Variants in CDKAL1 observed in about 807,000 individuals in gnomAD.
The protein encoded by CDKAL1 is threonylcarbamoyladenosine tRNA methylthiotransferase.
Under a neutral mutation model 68.2 loss-of-function variants are expected in CDKAL1, and 32 were observed. The observed-to-expected ratio is 0.47, with a 90% CI of 0.35 to 0.63. CDKAL1 has a LOEUF of 0.63. Among genes scored for constraint, CDKAL1 ranks in the 30% least tolerant of loss-of-function variants. The probability of loss-of-function intolerance (pLI) is 0.00; values close to 1 mark genes in which losing one functional copy is unlikely to be tolerated. For synonymous variants in CDKAL1, 234 were observed against 244.3 expected (o/e 0.96, Z 0.39); for missense variants, 606 against 696.7 (o/e 0.87, Z 1.47).
chr6:20,551,380 T>TG (rs955861265), intron 4 of CDKAL1, among the ~76,000 whole-genome samples: 1 of 151,796 alleles, frequency 6.6e-6, no homozygotes, highest in Non-Finnish European at 1.5e-5. Flanking sequence ...CTTTTTTTTT[T>TG]TTTTTGAGAC....
chr6:21,130,714 C>G (rs1381107027), intron 13 of CDKAL1, among the ~76,000 whole-genome samples: 1 of 152,140 alleles, frequency 6.6e-6, no homozygotes, highest in Non-Finnish European at 1.5e-5. Flanking sequence ...TTGGCTTGAC[C>G]TTTTTACTTG....
intron 11 of CDKAL1, among the ~76,000 whole-genome samples, chr6:21,011,943 T>TA (rs199634625): frequency 0.016 from 2,402 of 151,568 alleles, 56 homozygotes; most frequent in African/African-American, 0.055. Flanking sequence ...AAATATGGCA[T>TA]AAAAAAAAAG....
At chr6:20,616,854 C>CACACACAT (rs1766933231) in intron 4 of CDKAL1, among the ~76,000 whole-genome samples, 1 of 149,796 alleles carries the variant, frequency 6.7e-6, no homozygotes, top group Non-Finnish European at 1.5e-5. Context: ...CACACACACA[C>CACACACAT]ACACACACAC....
At chr6:20,596,805 T>A (rs575291512) in intron 4 of CDKAL1, among the ~76,000 whole-genome samples, 1 of 152,322 alleles carries the variant, frequency 6.6e-6, no homozygotes, top group African/African-American at 2.4e-5. Context: ...CCCGAGGGAT[T>A]GTGAAGACCA....
chr6:21,001,471 A>G (rs1767426123), intron 11 of CDKAL1, among the ~76,000 whole-genome samples: 1 of 150,988 alleles, frequency 6.6e-6, no homozygotes, highest in South Asian at 2.1e-4. Context: ...GGCATTCTTG[A>G]TTATCCTAAC....
intron 5 of CDKAL1, among the ~76,000 whole-genome samples, chr6:20,734,026 G>A (rs911314017): frequency 3.3e-5 from 5 of 151,826 alleles, no homozygotes; most frequent in African/African-American, 9.7e-5. Context: ...GTGCATGCCT[G>A]TAGTGCCAAC....
At chr6:20,712,974 G>C (rs911658448) in intron 5 of CDKAL1, among the ~76,000 whole-genome samples, 3 of 149,524 alleles carry the variant, frequency 2.0e-5, no homozygotes, top group Admixed American at 6.7e-5. Context: ...ATTACAGTAT[G>C]AAACACTCTC....
At chr6:20,698,279 A>G (rs748729669) in intron 5 of CDKAL1, among the ~76,000 whole-genome samples, 15 of 152,192 alleles carry the variant, frequency 9.9e-5, no homozygotes, top group Non-Finnish European at 1.6e-4. Flanking sequence ...AAAAGTTGCA[A>G]AAAAGTTGCA....
chr6:20,926,915 A>G lies in CDKAL1; in HGVS notation c.743-28504A>G, dbSNP rs961680107. On this transcript the variant is annotated intron_variant, in intron 9 of 15. Coordinates refer to ENST00000274695, the MANE Select transcript of CDKAL1 (RefSeq NM_017774.3). ...TATATATATGTTTATGTATATTTAC[A>G]TATATATTTTTATATATATATATAG... 2.3e-4 allele frequency among the ~76,000 whole-genome samples: 34 copies of G among 147,868 alleles called. No homozygotes were observed. The East Asian group carries it at 6.2e-3, about 27-fold the overall frequency.
At chr6:20,606,460 C>A (rs1232434172) in intron 4 of CDKAL1, among the ~76,000 whole-genome samples, 1 of 152,046 alleles carries the variant, frequency 6.6e-6, no homozygotes, top group South Asian at 2.1e-4. Context: ...CATAGAGAAG[C>A]TGAATGTGTA....
intron 15 of CDKAL1, among the ~76,000 whole-genome samples, chr6:21,220,201 C>CGTGTGT (rs144863478): frequency 6.7e-6 from 1 of 150,144 alleles, no homozygotes; most frequent in East Asian, 1.9e-4. Flanking sequence ...TGCGTGCGTG[C>CGTGTGT]GTGTGTGTGT....
chr6:21,163,631 A>T (rs1292256967), intron 13 of CDKAL1, among the ~76,000 whole-genome samples: 1 of 152,150 alleles, frequency 6.6e-6, no homozygotes, highest in Non-Finnish European at 1.5e-5. Context: ...TTGAGTCATA[A>T]TCTTAAACTT....
chr6:20,828,948 T>C (rs937954932), intron 8 of CDKAL1, among the ~76,000 whole-genome samples: 2 of 152,184 alleles, frequency 1.3e-5, no homozygotes, highest in Non-Finnish European at 2.9e-5. Flanking sequence ...GTGTTTGTCA[T>C]TTTGTGACTG....
At chr6:21,174,565 A>G (rs1777508540) in intron 13 of CDKAL1, among the ~76,000 whole-genome samples, 1 of 152,292 alleles carries the variant, frequency 6.6e-6, no homozygotes, top group South Asian at 2.1e-4. Context: ...CTACAAAAAA[A>G]TATTTGTTCC....
intron 7 of CDKAL1, among the ~76,000 whole-genome samples, chr6:20,780,099 T>TAAA (rs745598145): frequency 5.8e-4 from 52 of 89,184 alleles, no homozygotes; most frequent in African/African-American, 1.6e-3. Context: ...AACCTAACCT[T>TAAA]AAAAAAAAAA....
intron 9 of CDKAL1, among the ~76,000 whole-genome samples, chr6:20,860,723 C>G (rs1383948744): frequency 1.3e-5 from 2 of 151,914 alleles, no homozygotes; most frequent in African/African-American, 4.8e-5. Flanking sequence ...ACTCAGGAGA[C>G]TGAGGCAGGA....
intron 4 of CDKAL1, among the ~76,000 whole-genome samples, chr6:20,553,440 C>T (rs544111456): frequency 6.6e-5 from 10 of 151,980 alleles, no homozygotes; most frequent in Middle Eastern, 3.4e-3. Context: ...ACCCAGGAGG[C>T]GGAGGTTGCT....
intron 5 of CDKAL1, among the ~76,000 whole-genome samples, chr6:20,677,174 G>A (rs1208117246): frequency 1.3e-5 from 2 of 151,884 alleles, no homozygotes; most frequent in Non-Finnish European, 2.9e-5. Context: ...AGGTTCAAGC[G>A]ATTCTCCTGC....
At chr6:20,934,136 A>G (rs1338098141) in intron 9 of CDKAL1, among the ~76,000 whole-genome samples, 1 of 152,194 alleles carries the variant, frequency 6.6e-6, no homozygotes, top group Non-Finnish European at 1.5e-5. Flanking sequence ...AGAGAGCAAT[A>G]TGATTGAAGG....
Sources: gnomAD v4.1 joint callset for allele counts (sites outside exome capture counted in the v4.1 genomes callset) on GRCh38, gnomAD v4.1.1 for gene constraint, MANE v1.5 for transcripts, NCBI Gene and HGNC (gene_info 2026-07-23, HGNC 2026-07-21) for gene names.